The following RORB variants were observed in gnomAD, a reference collection of about 807,000 sequenced individuals.
RORB encodes the protein nuclear receptor ROR-beta.
Under a neutral mutation model 59.1 loss-of-function variants are expected in RORB, and 6 were observed. That is an observed-to-expected ratio of 0.10 (90% CI 0.06 to 0.20). The LOEUF is 0.20. Among genes scored for constraint, RORB ranks in the 10% least tolerant of loss-of-function variants. The pLI is 1.00. For synonymous variants in RORB, 215 were observed against 204.5 expected, an observed-to-expected ratio of 1.05 and a Z score of -0.44; for missense variants, 320 against 560.5, an observed-to-expected ratio of 0.57 and a Z score of 4.33.
At chr9:74,516,843 G>GA (rs1201245922) in intron 1 of RORB, among the ~76,000 whole-genome samples, 3 of 151,884 alleles carry the variant, frequency 2.0e-5, no homozygotes, top group African/African-American at 4.8e-5. Flanking sequence ...CAATCTGGTT[G>GA]AAAAAATTTA....
rs1402186574 is a variant in RORB at position 74,685,726 on chromosome 9, G to C, written c.*108G>C. ...ATGTCACTACTGCAACATTAGGAAT[G>C]TCCTGCACTTAATAGAATTATTTTT... is the stretch of plus-strand genomic sequence containing the variant. On this transcript the variant is annotated 3_prime_UTR_variant, in exon 10 of 10. Transcript: ENST00000376896. 4 of 747,346 alleles carry C rather than the reference G, an allele frequency of 5.4e-6. No individual in the cohort carries two copies. The Admixed American group carries it at 1.2e-4, about 22-fold the overall frequency. 46.3% of individuals were successfully genotyped at this position (747,346 alleles called of 1,614,324 possible).
At chr9:74,548,146 C>T (rs1405030985) in intron 1 of RORB, among the ~76,000 whole-genome samples, 5 of 152,084 alleles carry the variant, frequency 3.3e-5, no homozygotes, top group African/African-American at 4.8e-5. Flanking sequence ...CAGGTCATAA[C>T]GTTACCCATA....
At chr9:74,597,301 T>C (rs1274930464) in intron 1 of RORB, among the ~76,000 whole-genome samples, 1 of 152,210 alleles carries the variant, frequency 6.6e-6, no homozygotes, top group Non-Finnish European at 1.5e-5. Flanking sequence ...GTTTCTCCTT[T>C]AAGCCAAGCA....
At chr9:74,601,875 A>G (rs1823062591) in intron 1 of RORB, among the ~76,000 whole-genome samples, 1 of 152,206 alleles carries the variant, frequency 6.6e-6, no homozygotes, top group African/African-American at 2.4e-5. Flanking sequence ...CACCCACTAG[A>G]AGAGATGAGT....
intron 9 of RORB, among the ~76,000 whole-genome samples, chr9:74,680,374 C>T (rs1470432626): frequency 6.6e-6 from 1 of 152,108 alleles, no homozygotes; most frequent in Non-Finnish European, 1.5e-5. Context: ...CTTCCCTGGT[C>T]CACATGATGA....
At chr9:74,511,011 GAACTA>G (rs1281409449) in intron 1 of RORB, among the ~76,000 whole-genome samples, 10 of 152,240 alleles carry the variant, frequency 6.6e-5, no homozygotes, top group Middle Eastern at 3.4e-3. Context: ...TCTTTCCAAA[GAACTA>G]AACTAAAGTA....
intron 1 of RORB, among the ~76,000 whole-genome samples, chr9:74,602,930 G>A (rs771122417): frequency 2.0e-5 from 3 of 152,146 alleles, no homozygotes; most frequent in Non-Finnish European, 4.4e-5. Context: ...CAAGCAACTT[G>A]TTAGCTGGAT....
intron 9 of RORB, among the ~76,000 whole-genome samples, chr9:74,673,683 G>A (rs1405567036): frequency 6.6e-6 from 1 of 152,176 alleles, no homozygotes; most frequent in Non-Finnish European, 1.5e-5. Context: ...GTCAACTGTA[G>A]ATCAGATTAA....
At chr9:74,617,872 T>A (rs1180109094) in intron 1 of RORB, among the ~76,000 whole-genome samples, 1 of 152,204 alleles carries the variant, frequency 6.6e-6, no homozygotes, top group South Asian at 2.1e-4. Context: ...AACTCAAACA[T>A]GCCTTTCTCT....
intron 9 of RORB, among the ~76,000 whole-genome samples, chr9:74,677,455 T>A (rs559697193): frequency 6.6e-6 from 1 of 152,374 alleles, no homozygotes; most frequent in South Asian, 2.1e-4. Flanking sequence ...TTTTAGGTAC[T>A]TTGAGTTATA....
intron 1 of RORB, among the ~76,000 whole-genome samples, chr9:74,580,848 C>A (rs985864272): frequency 3.3e-5 from 5 of 152,100 alleles, no homozygotes; most frequent in African/African-American, 1.2e-4. Context: ...ATGTTTATAA[C>A]AGCAAAAGTA....
chr9:74,619,131 A>T (rs1410622605), intron 1 of RORB, among the ~76,000 whole-genome samples: 1 of 152,100 alleles, frequency 6.6e-6, no homozygotes, highest in African/African-American at 2.4e-5. Context: ...AGTAATCTGG[A>T]ATTTTGTTCT....
intron 1 of RORB, among the ~76,000 whole-genome samples, chr9:74,606,456 A>G (rs1386860330): frequency 6.6e-6 from 1 of 152,130 alleles, no homozygotes; most frequent in Non-Finnish European, 1.5e-5. Flanking sequence ...AATATTCATG[A>G]TTTTGGTTGG....
chr9:74,509,230 A>G (rs1182307248), intron 1 of RORB, among the ~76,000 whole-genome samples: 1 of 152,140 alleles, frequency 6.6e-6, no homozygotes, highest in African/African-American at 2.4e-5. Flanking sequence ...AATAAGTATT[A>G]TGGAAAAATC....
chr9:74,665,422 AT>A, intron 6 of RORB, 65 bp from the exon 7 acceptor site: 2 of 968,170 alleles, frequency 2.1e-6, no homozygotes, highest in Non-Finnish European at 3.0e-6. Context: ...TGCAGTAATA[AT>A]TTCTTTATTA....
chr9:74,636,084 G>A (rs181740493), intron 3 of RORB, among the ~76,000 whole-genome samples: 3 of 150,652 alleles, frequency 2.0e-5, no homozygotes, highest in East Asian at 1.9e-4. Context: ...TGTTTTACTT[G>A]GCTCACTAAC....
intron 1 of RORB, among the ~76,000 whole-genome samples, chr9:74,499,814 T>TC (rs1825782234): frequency 6.6e-6 from 1 of 151,944 alleles, no homozygotes; most frequent in Non-Finnish European, 1.5e-5. Context: ...CTTCTAACTT[T>TC]CCCCCTGTGG....
intron 1 of RORB, among the ~76,000 whole-genome samples, chr9:74,508,898 A>G (rs1205835108): frequency 2.2e-5 from 3 of 137,758 alleles, no homozygotes; most frequent in Non-Finnish European, 3.3e-5. Context: ...TTATTAATCT[A>G]TGCTCTCTCT....
intron 1 of RORB, among the ~76,000 whole-genome samples, chr9:74,597,404 G>A (rs1278963979): frequency 6.6e-6 from 1 of 152,174 alleles, no homozygotes; most frequent in Non-Finnish European, 1.5e-5. Context: ...GGGCCTCATG[G>A]GGCAAGTGAG....
Sources: allele counts gnomAD v4.1 joint callset (sites outside exome capture counted in the v4.1 genomes callset), GRCh38; gene constraint gnomAD v4.1.1; transcripts MANE v1.5; gene names NCBI Gene and HGNC (gene_info 2026-07-23, HGNC 2026-07-21).